The following EFCAB7 variants were observed in gnomAD, a reference collection of about 807,000 sequenced individuals.
EFCAB7 encodes EF-hand calcium binding domain 7, also known as EF-hand calcium-binding domain-containing protein 7.
In EFCAB7, 66 loss-of-function variants were observed where a neutral mutation model predicts 77.1. That is an observed-to-expected ratio of 0.86 (90% CI 0.70 to 1.05). The LOEUF is 1.05. EFCAB7 is among the 50% of genes least tolerant of loss of function. The probability of loss-of-function intolerance (pLI) is 0.00; values close to 1 mark genes in which losing one functional copy is unlikely to be tolerated. For synonymous variants in EFCAB7, 225 were observed against 243.3 expected (o/e 0.92, Z 0.70); for missense variants, 638 against 730.5 (o/e 0.87, Z 1.46).
intron 2 of EFCAB7, 44 bp downstream of exon 2, chr1:63,525,803 G>GT: frequency 7.4e-7 from 1 of 1,344,716 alleles, no homozygotes; most frequent in Non-Finnish European, 1.0e-6. Flanking sequence ...TTTGTTGAAA[G>GT]TTAATAAATA....
chr1:63,585,309 A>C, the EFCAB7 span, among the ~76,000 whole-genome samples: 3 of 152,258 alleles, frequency 2.0e-5, no homozygotes, highest in African/African-American at 7.2e-5. Flanking sequence ...AAAATTGTCA[A>C]TGCAGTCTGT....
At chr1:63,574,887 T>TA (rs1276356255), downstream of EFCAB7, among the ~76,000 whole-genome samples, 1 of 152,098 alleles carries the variant, frequency 6.6e-6, no homozygotes, top group Non-Finnish European at 1.5e-5. Flanking sequence ...TGCTGAGAGG[T>TA]AGTGGAGCGG....
At chr1:63,531,691 A>G (rs1243288001) in intron 2 of EFCAB7, 129 bp from the exon 3 acceptor site, 2 of 832,274 alleles carry the variant, frequency 2.4e-6, no homozygotes, top group South Asian at 3.4e-5. Flanking sequence ...AGTCAACACC[A>G]AAGTAATGTA....
intron 6 of EFCAB7, among the ~76,000 whole-genome samples, chr1:63,537,035 C>G (rs1239012702): frequency 2.0e-5 from 3 of 152,150 alleles, no homozygotes; most frequent in African/African-American, 7.2e-5. Context: ...ATGTTTTAAA[C>G]CACAAAACCA....
At chr1:63,524,776 G>A (rs1051039099) in intron 1 of EFCAB7, among the ~76,000 whole-genome samples, 1 of 152,038 alleles carries the variant, frequency 6.6e-6, no homozygotes, top group Non-Finnish European at 1.5e-5. Flanking sequence ...GGGTGACATT[G>A]CTACCCCTCA....
intron 8 of EFCAB7, among the ~76,000 whole-genome samples, chr1:63,553,696 G>A (rs958750635): frequency 1.3e-5 from 2 of 152,150 alleles, no homozygotes; most frequent in African/African-American, 4.8e-5. Context: ...ATCAAAATAG[G>A]ACCTGGTGAC....
chr1:63,555,715 TG>T (rs1451377360), intron 9 of EFCAB7, among the ~76,000 whole-genome samples, 200 bp downstream of exon 9: 6 of 152,088 alleles, frequency 3.9e-5, no homozygotes, highest in Non-Finnish European at 7.4e-5. Flanking sequence ...AAATACTGCA[TG>T]ATCTCACTTA....
rs772294655 is a variant in EFCAB7 at position 63,525,774 on chromosome 1, T to G, written c.187+15T>G. ...ACTTTACTTAGGTAAATTTTTAAAA[T>G]TTTTAAATCTTTCACCTTTTTGTTG... On this transcript the variant is annotated intron_variant, in intron 2 of 13. Transcript: ENST00000371088. 35 of 1,500,894 alleles carry G rather than the reference T, an allele frequency of 2.3e-5. No individual in the cohort carries two copies. Among genetic ancestry groups the G allele is most frequent in the African/African-American group, 1.3e-4 (9 of 69,076 alleles). The allele number at this position is 1,500,894 out of a possible 1,614,324, so 93.0% of individuals were successfully genotyped here. A position where few individuals can be genotyped will look rare whatever the true frequency, so the allele number is the denominator to read the frequency against.
intron 10 of EFCAB7, 88 bp from the exon 11 acceptor site, chr1:63,561,621 A>G (rs1647101295): frequency 1.3e-6 from 1 of 792,330 alleles, no homozygotes. Context: ...TAAAATAAAT[A>G]TCTATGAATA....
chr1:63,545,983 A>G lies in EFCAB7; in HGVS notation c.872A>G (p.Gln291Arg). 6.2e-7 allele frequency: 1 copy of G among 1,613,798 alleles called. No homozygotes were observed. Among genetic ancestry groups the G allele is most frequent in the Non-Finnish European group, 8.5e-7 (1 of 1,179,732 alleles). The stretch of plus-strand genomic sequence containing the variant: ...GAAGATGGTGAAATCATTAGTCATC[A>G]GTACAGGATGCAAATAGCTCAGAGG... ...LEEDGEIISH[Q>R]YRMQIAQRSM... The change falls in exon 7 of 14, where the codon CAG becomes CGG. Residue 291 changes from glutamine (Q) to arginine (R), a missense_variant. Transcript: ENST00000371088.
At chr1:63,569,942 C>T (rs1054148782) in intron 12 of EFCAB7, 1 of 152,196 alleles carries the variant, frequency 6.6e-6, no homozygotes, top group African/African-American at 2.4e-5. Context: ...CTGCTACCAC[C>T]TATTAGTTCT....
intron 6 of EFCAB7, among the ~76,000 whole-genome samples, chr1:63,542,489 A>G (rs1646840123): frequency 6.6e-6 from 1 of 152,208 alleles, no homozygotes; most frequent in Admixed American, 6.5e-5. Flanking sequence ...TTGCTAGGTC[A>G]TATAGAATTC....
At chr1:63,544,606 T>A (rs1383943542) in intron 6 of EFCAB7, among the ~76,000 whole-genome samples, 4 of 150,800 alleles carry the variant, frequency 2.7e-5, no homozygotes, top group Admixed American at 1.3e-4. Flanking sequence ...AAAGACGGGG[T>A]TTCACCATGT....
chr1:63,579,042 T>TA, the EFCAB7 span, among the ~76,000 whole-genome samples: 141 of 149,720 alleles, frequency 9.4e-4, no homozygotes, highest in Middle Eastern at 0.01. Context: ...TTATTTCAGA[T>TA]AAAAAAAAAA....
chr1:63,576,493 C>CAA (rs111291470), downstream of EFCAB7, among the ~76,000 whole-genome samples: 1 of 150,418 alleles, frequency 6.6e-6, no homozygotes, highest in African/African-American at 2.5e-5. Context: ...ACAACAACAA[C>CAA]AAAAAAACAA....
At position 63,533,105 on chromosome 1, in the gene EFCAB7, A is replaced by G. The variant is rs368997959; in HGVS notation, c.486+349A>G. 5.7e-4 allele frequency among the ~76,000 whole-genome samples: 87 copies of G among 152,284 alleles called. 1 individual carries two copies. The highest frequency in any genetic ancestry group is 3.5e-3 in the South Asian group (17 of 4,828). ...CACACGGACAGATACACACATAAAC[A>G]TAGAGACTCTACTCAGAAATGTACT... On this transcript the variant is annotated intron_variant, in intron 4 of 13. Transcript: ENST00000371088.
At chr1:63,560,008 G>C (rs995204448) in intron 10 of EFCAB7, among the ~76,000 whole-genome samples, 1 of 151,664 alleles carries the variant, frequency 6.6e-6, no homozygotes, top group Non-Finnish European at 1.5e-5. Flanking sequence ...TAGGCTGGAG[G>C]GCAGTGGCGT....
Position 63,558,911 on chromosome 1 carries a change from T to A in EFCAB7, c.1348+1664T>A, listed in dbSNP as rs1049818631. The stretch of plus-strand genomic sequence containing the variant: ...TTTACAGAAAAAACAGGCTGGGTGC[T>A]GTGGCTCATGCCTATAATCCTAGCA... On this transcript the variant is annotated intron_variant, in intron 10 of 13. Coordinates refer to ENST00000371088, the MANE Select transcript of EFCAB7 (RefSeq NM_032437.4). Among the ~76,000 whole-genome samples the A allele has an allele frequency of 6.6e-5, 10 of 151,946 alleles. No homozygotes were observed. The East Asian group carries it at 1.9e-3, about 29-fold the overall frequency.
At chr1:63,556,197 G>T (rs1431774376) in intron 9 of EFCAB7, among the ~76,000 whole-genome samples, 1 of 152,012 alleles carries the variant, frequency 6.6e-6, no homozygotes, top group African/African-American at 2.4e-5. Context: ...TTGACAATAT[G>T]GTGATTATAG....
Sources: gnomAD v4.1 joint callset for allele counts (sites outside exome capture counted in the v4.1 genomes callset) on GRCh38, gnomAD v4.1.1 for gene constraint, MANE v1.5 for transcripts, NCBI Gene and HGNC (gene_info 2026-07-23, HGNC 2026-07-21) for gene names.